The following MTMR12 variants were observed in gnomAD, a reference collection of about 807,000 sequenced individuals.
MTMR12 encodes myotubularin-related protein 12.
MTMR12 carries 33 observed loss-of-function variants against 96.7 expected under a neutral mutation model. The ratio of observed to expected loss-of-function variants is 0.34; its 90% confidence interval spans 0.26 to 0.46. MTMR12 has a LOEUF of 0.46. Ranked by LOEUF, MTMR12 falls within the 20% of genes least tolerant of loss-of-function variation. The probability of loss-of-function intolerance (pLI) is 1.00; values close to 1 mark genes in which losing one functional copy is unlikely to be tolerated. For synonymous variants in MTMR12, 298 were observed against 327.2 expected (o/e 0.91, Z 0.96); for missense variants, 721 against 896.1 (o/e 0.80, Z 2.49).
At chr5:32,270,788 A>G (rs1371052520) in intron 5 of MTMR12, 29 bp downstream of exon 5, 3 of 1,577,222 alleles carry the variant, frequency 1.9e-6, no homozygotes. Context: ...GATGGGAAAT[A>G]AAACCTAAAA....
intron 10 of MTMR12, among the ~76,000 whole-genome samples, chr5:32,247,130 G>A (rs1011059634): frequency 6.6e-6 from 1 of 152,122 alleles, no homozygotes; most frequent in African/African-American, 2.4e-5. Flanking sequence ...TGGGAGGATT[G>A]CTTGAGCCCC....
In MTMR12 at chr5:32,229,512, T is replaced by G. The variant is rs1042784668; in HGVS notation, c.*266A>C. The G allele has an allele frequency of 3.2e-6, 1 of 308,616 alleles. No individual in the cohort carries two copies. Among genetic ancestry groups the G allele is most frequent in the South Asian group, 1.4e-4 (1 of 7,138 alleles). The allele number at this position is 308,616 out of a possible 1,614,324, so 19.1% of individuals were successfully genotyped here. A position where few individuals can be genotyped will look rare whatever the true frequency, so the allele number is the denominator to read the frequency against. ...GCCATTGTGGGCTCTGTATAATACT[T>G]AGGCATCAGAAAACGGCCACAACCC... On this transcript the variant is annotated 3_prime_UTR_variant, in exon 16 of 16. Coordinates refer to ENST00000382142, the MANE Select transcript of MTMR12 (RefSeq NM_001040446.3).
intron 7 of MTMR12, 63 bp downstream of exon 7, chr5:32,263,049 TA>T: frequency 1.3e-6 from 2 of 1,585,310 alleles, no homozygotes; most frequent in Non-Finnish European, 1.7e-6. Context: ...GTGAATATAC[TA>T]AAAAACACTG....
At chr5:32,263,035 C>T (rs937202955) in intron 7 of MTMR12, 78 bp downstream of exon 7, 1 of 1,546,662 alleles carries the variant, frequency 6.5e-7, no homozygotes, top group African/African-American at 1.4e-5. Context: ...GACTGCACAA[C>T]CCTGTGAATA....
chr5:32,285,745 A>G (rs969708467), intron 1 of MTMR12, among the ~76,000 whole-genome samples: 1 of 152,124 alleles, frequency 6.6e-6, no homozygotes, highest in African/African-American at 2.4e-5. Context: ...AGGCCAGACA[A>G]GAGATGAGAA....
chr5:32,286,820 C>G (rs1184992394), intron 1 of MTMR12, among the ~76,000 whole-genome samples: 2 of 152,210 alleles, frequency 1.3e-5, no homozygotes, highest in African/African-American at 2.4e-5. Context: ...CCTGCCTCCC[C>G]TGGCCGACCA....
Position 32,268,739 on chromosome 5 carries a change from A to T in MTMR12, c.545T>A (p.Phe182Tyr). 6.2e-7 allele frequency: 1 copy of T among 1,614,060 alleles called. No individual in the cohort carries two copies. Among genetic ancestry groups the T allele is most frequent in the South Asian group, 1.1e-5 (1 of 91,082 alleles). ...TGCAGCAGTCGCATAGGAAAACAGA[A>T]ATAATCGTTTAAGCAGTTTAGGAGC... ...TQAPKLLKRL[F>Y]LFSYATAAQN... The change falls in exon 6 of 16, where the codon TTT becomes TAT. Residue 182 changes from phenylalanine (F) to tyrosine (Y), a missense_variant. Phe to Tyr is a conservative substitution (Grantham distance 22). Coordinates refer to ENST00000382142, the MANE Select transcript of MTMR12 (RefSeq NM_001040446.3).
intron 1 of MTMR12, among the ~76,000 whole-genome samples, chr5:32,299,626 C>G (rs2112151972): frequency 6.6e-6 from 1 of 152,338 alleles, no homozygotes. Flanking sequence ...GAACCAGGGA[C>G]AGATGAGAGG....
chr5:32,231,425 G>A (rs995363337), intron 15 of MTMR12, among the ~76,000 whole-genome samples: 4 of 150,420 alleles, frequency 2.7e-5, no homozygotes, highest in Non-Finnish European at 5.9e-5. Context: ...GGATGTGGTC[G>A]GAAGGTCATG....
At chr5:32,238,926 T>A in intron 13 of MTMR12, 75 bp downstream of exon 13, 2 of 1,400,130 alleles carry the variant, frequency 1.4e-6, no homozygotes, top group Non-Finnish European at 9.4e-7. Flanking sequence ...TCCTACTACA[T>A]CTGATGACAG....
rs184072697 is a variant in MTMR12 at position 32,241,113 on chromosome 5, T to C, written c.1171+944A>G. Among the ~76,000 whole-genome samples the C allele has an allele frequency of 2.3e-3, 351 of 152,346 alleles. 2 individuals carry two copies. The highest frequency in any genetic ancestry group is 7.8e-3 in the African/African-American group (324 of 41,588). ...ATTAATGTGTTCTGGCCCTGAGTCCTTCCGTTTCTTAGACCTCCAATCTTT... is the reference window on the plus strand; with the variant it reads ...ATTAATGTGTTCTGGCCCTGAGTCCCTCCGTTTCTTAGACCTCCAATCTTT... On this transcript the variant is annotated intron_variant, in intron 12 of 15. Transcript: ENST00000382142.
chr5:32,235,312 C>T (rs1030780192), intron 13 of MTMR12, among the ~76,000 whole-genome samples, 183 bp from the exon 14 acceptor site: 10 of 152,126 alleles, frequency 6.6e-5, no homozygotes, highest in Non-Finnish European at 1.2e-4. Flanking sequence ...CACATGCTTG[C>T]GATTTACATG....
chr5:32,255,552 G>C, intron 8 of MTMR12, 141 bp downstream of exon 8: 1 of 739,968 alleles, frequency 1.4e-6, no homozygotes, highest in Non-Finnish European at 2.2e-6. Flanking sequence ...GACTCTTCTA[G>C]GGAGTCCCTA....
rs1176802396 is a variant in MTMR12, at chr5:32,227,720, C to CTA, written c.*2056_*2057dup. On this transcript the variant is annotated 3_prime_UTR_variant, in exon 16 of 16. Coordinates refer to ENST00000382142, the MANE Select transcript of MTMR12 (RefSeq NM_001040446.3). ...GAGGTTAGTGCTAATTTAAGAAGGCCTATAGAATGTATGTGAAGGTAGCTA... is the reference window on the plus strand; with the variant it reads ...GAGGTTAGTGCTAATTTAAGAAGGCCTATATAGAATGTATGTGAAGGTAGCTA... 1.3e-5 allele frequency: 2 copies of CTA among 152,610 alleles called. No homozygotes were observed. The highest frequency in any genetic ancestry group is 2.9e-5 in the Non-Finnish European group (2 of 68,036). 9.5% of individuals were successfully genotyped at this position (152,610 alleles called of 1,614,324 possible). A position where few individuals can be genotyped will look rare whatever the true frequency, so the allele number is the denominator to read the frequency against.
Position 32,249,499 on chromosome 5 carries a change from G to A in MTMR12, c.790-621C>T, listed in dbSNP as rs1474875005. ...CATGCAAGGCACCACATTAGGTTGT[G>A]AGAGGGCACAAAGATACTAAGATAC... On this transcript the variant is annotated intron_variant, in intron 8 of 15. Coordinates refer to ENST00000382142, the MANE Select transcript of MTMR12 (RefSeq NM_001040446.3). 2.6e-5 allele frequency among the ~76,000 whole-genome samples: 4 copies of A among 152,328 alleles called. No individual in the cohort carries two copies. The Middle Eastern group carries it at 0.01, about 389-fold the overall frequency.
intron 3 of MTMR12, among the ~76,000 whole-genome samples, chr5:32,272,703 T>C (rs1322312337): frequency 1.3e-5 from 2 of 152,126 alleles, no homozygotes; most frequent in Admixed American, 1.3e-4. Flanking sequence ...TCTGGGCCCC[T>C]CCTAGGCAAA....
chr5:32,262,773 A>T (rs1159413860), intron 7 of MTMR12, among the ~76,000 whole-genome samples: 1 of 152,240 alleles, frequency 6.6e-6, no homozygotes, highest in African/African-American at 2.4e-5. Flanking sequence ...TTCTGATACA[A>T]GCTGCAAAAT....
At chr5:32,238,720 A>G (rs1157207536) in intron 13 of MTMR12, among the ~76,000 whole-genome samples, 1 of 152,216 alleles carries the variant, frequency 6.6e-6, no homozygotes, top group Non-Finnish European at 1.5e-5. Flanking sequence ...AAGTCTTATT[A>G]ATAAATATTA....
At chr5:32,268,469 T>C (rs980983379) in intron 6 of MTMR12, among the ~76,000 whole-genome samples, 4 of 150,490 alleles carry the variant, frequency 2.7e-5, no homozygotes, top group African/African-American at 4.9e-5. Context: ...AATCATGCCA[T>C]TGCACTTCAG....
Sources: gnomAD v4.1 joint callset for allele counts (sites outside exome capture counted in the v4.1 genomes callset) on GRCh38, gnomAD v4.1.1 for gene constraint, MANE v1.5 for transcripts, NCBI Gene and HGNC (gene_info 2026-07-23, HGNC 2026-07-21) for gene names.